Variants in CCDC40 observed in about 807,000 individuals in gnomAD.
CCDC40 encodes coiled-coil domain-containing protein 40.
CCDC40 carries 104 observed loss-of-function variants against 124.5 expected under a neutral mutation model. The ratio of observed to expected loss-of-function variants is 0.84; its 90% CI spans 0.71 to 0.98. The LOEUF (loss-of-function observed/expected upper bound fraction) is 0.98, where lower values mean the gene tolerates loss of function less well. Ranked by LOEUF, CCDC40 falls within the 50% of genes least tolerant of loss-of-function variation. The pLI, the probability that CCDC40 is intolerant of heterozygous loss-of-function variation, is 0.00. For synonymous variants in CCDC40, 580 were observed against 602.9 expected (o/e 0.96, Z 0.56); for missense variants, 1,463 against 1,503.9 (o/e 0.97, Z 0.45).
intron 17 of CCDC40, among the ~76,000 whole-genome samples, chr17:80,093,954 T>A (rs1423625637): frequency 6.6e-6 from 1 of 152,196 alleles, no homozygotes; most frequent in Non-Finnish European, 1.5e-5. Flanking sequence ...CCACACAGAC[T>A]TTTTAGTGTT....
Position 80,047,279 on chromosome 17 carries a change from A to C in CCDC40, c.553A>C (p.Thr185Pro). The C allele has an allele frequency of 1.2e-6, 2 of 1,614,050 alleles. No individual in the cohort carries two copies. Among genetic ancestry groups the C allele is most frequent in the Non-Finnish European group, 8.5e-7 (1 of 1,179,960 alleles). ...VTSGPAVGRL[T>P]GSTEEPQGQV... is the part of the protein sequence containing the mutation. Reference sequence around the variant, plus strand: ...TTAGTTTTGGTTGTTCTTGCCATAGACAGGATCCACAGAGGAGCCCCAGGG... The same window carrying C: ...TTAGTTTTGGTTGTTCTTGCCATAGCCAGGATCCACAGAGGAGCCCCAGGG... The change falls in exon 4 of 20, where the codon ACA (threonine) becomes CCA (proline). Residue 185 changes from threonine (T) to proline (P), a missense_variant and splice_region_variant. Physicochemically the swap from Thr to Pro is conservative, Grantham distance 38 (BLOSUM62 -1). Transcript: ENST00000397545.
At chr17:80,070,137 G>T (rs373206085) in intron 10 of CCDC40, among the ~76,000 whole-genome samples, 111 of 152,360 alleles carry the variant, frequency 7.3e-4, no homozygotes, top group African/African-American at 2.3e-3. Flanking sequence ...TGTGGGATGG[G>T]TTGGGTGTGG....
chr17:80,097,014 C>G (rs887897923), intron 18 of CCDC40, among the ~76,000 whole-genome samples: 16 of 152,252 alleles, frequency 1.1e-4, no homozygotes, highest in African/African-American at 3.9e-4. Context: ...CCCAGAACCA[C>G]TCAGGCCCCC....
intron 7 of CCDC40, among the ~76,000 whole-genome samples, chr17:80,052,979 TA>T (rs1427794009): frequency 2.0e-5 from 3 of 152,144 alleles, no homozygotes; most frequent in Admixed American, 1.3e-4. Flanking sequence ...ATTTCTTAAC[TA>T]AAAAGCCAGT....
At chr17:80,097,218 C>T in intron 18 of CCDC40, 27 bp from the exon 19 acceptor site, 1 of 1,613,446 alleles carries the variant, frequency 6.2e-7, no homozygotes, top group Non-Finnish European at 8.5e-7. Flanking sequence ...GCTGCAGGGG[C>T]CCAGCATGGT....
chr17:80,078,070 G>A (rs1598527813), intron 10 of CCDC40, among the ~76,000 whole-genome samples: 2 of 152,122 alleles, frequency 1.3e-5, no homozygotes, highest in Admixed American at 6.6e-5. Flanking sequence ...TGTGGCTCAT[G>A]CCTCTAATCC....
At chr17:80,051,628 C>CAAAAAA (rs200887220) in intron 7 of CCDC40, among the ~76,000 whole-genome samples, 27 of 94,134 alleles carry the variant, frequency 2.9e-4, no homozygotes, top group African/African-American at 1.1e-3. Flanking sequence ...GACTCCGTCT[C>CAAAAAA]AAAAAAAAAA....
rs1039750485 is a variant in CCDC40 at position 80,070,554 on chromosome 17, T to C, written c.1562+4948T>C. Among the ~76,000 whole-genome samples the C allele has an allele frequency of 4.6e-5, 7 of 152,168 alleles. 1 individual carries two copies. Among genetic ancestry groups the C allele is most frequent in the Admixed American group, 2.0e-4 (3 of 15,286 alleles). On this transcript the variant is annotated intron_variant, in intron 10 of 19. Coordinates refer to ENST00000397545, the MANE Select transcript of CCDC40 (RefSeq NM_017950.4). ...AATTTGAGGCTGCAGTGAACTGTGA[T>C]TGCACGAATGCACTCCAGCCTGGGC...
rs377156300 is a variant in CCDC40, at chr17:80,050,192, G to A, written c.1068G>A (p.Ser356=). The A allele has an allele frequency of 1.7e-4, 277 of 1,612,084 alleles. 1 individual carries two copies. Among genetic ancestry groups the A allele is most frequent in the Non-Finnish European group, 2.3e-4 (269 of 1,179,680 alleles). ...GTCACGACCGCCACGCAATGGCCTCGAGCGAGCGCAGGCAGAAGGAGGAGG... is the reference window on the plus strand; with the variant it reads ...GTCACGACCGCCACGCAATGGCCTCAAGCGAGCGCAGGCAGAAGGAGGAGG... ...EKSHDRHAMA[S]SERRQKEEEL... Residue 356 remains serine, a synonymous_variant, in exon 7 of 20, where the codon TCG becomes TCA. Coordinates refer to ENST00000397545, the MANE Select transcript of CCDC40 (RefSeq NM_017950.4).
rs760043663 is a variant in CCDC40, at chr17:80,047,321, G to C, written c.595G>C (p.Gly199Arg). 3.7e-6 allele frequency: 6 copies of C among 1,613,858 alleles called. No homozygotes were observed. The South Asian group carries it at 6.6e-5, about 18-fold the overall frequency. ...EEPQGQVLPMGVQHRFRLSHG... is the reference protein window; with the variant it reads ...EEPQGQVLPMRVQHRFRLSHG... ...GCCCCAGGGGCAGGTGCTCCCAATG[G>C]GCGTCCAGCACCGCTTCCGGCTGAG... The change falls in exon 4 of 20, where the codon GGC becomes CGC. Residue 199 changes from glycine (G) to arginine (R), a missense_variant. Coordinates refer to ENST00000397545, the MANE Select transcript of CCDC40 (RefSeq NM_017950.4).
chr17:80,060,115 C>T (rs2037859970), intron 9 of CCDC40, among the ~76,000 whole-genome samples: 1 of 152,166 alleles, frequency 6.6e-6, no homozygotes, highest in South Asian at 2.1e-4. Flanking sequence ...TCAAACGGGG[C>T]AAGCAGCCAT....
intron 3 of CCDC40, 144 bp from the exon 4 acceptor site, chr17:80,047,135 C>T (rs1317469390): frequency 1.4e-5 from 12 of 879,676 alleles, no homozygotes; most frequent in East Asian, 2.7e-5. Context: ...GCATGAGCCA[C>T]GTGCCCGGCC....
chr17:80,057,275 A>G (rs1045423982), intron 7 of CCDC40, among the ~76,000 whole-genome samples: 4 of 151,644 alleles, frequency 2.6e-5, no homozygotes, highest in African/African-American at 9.7e-5. Context: ...TTGAGTAGAG[A>G]CAGGGTTTCA....
At chr17:80,078,327 T>C in intron 10 of CCDC40, among the ~76,000 whole-genome samples, 2 of 127,134 alleles carry the variant, frequency 1.6e-5, no homozygotes, top group African/African-American at 6.2e-5. Context: ...CGAGACTCTG[T>C]CTCAAAAAAA....
At chr17:80,048,186 G>A (rs868327754) in intron 4 of CCDC40, among the ~76,000 whole-genome samples, 2 of 152,264 alleles carry the variant, frequency 1.3e-5, no homozygotes, top group South Asian at 2.1e-4. Flanking sequence ...CTTGAACCCC[G>A]GAGGTGGAGG....
rs2037178479 is a variant in CCDC40 at position 80,038,174 on chromosome 17, T to G, written c.81T>G (p.Asn27Lys). ...SASEGEKEGN[N>K]ESHMVSPPEK... ...CTGAGGGAGAGAAGGAAGGGAATAA[T>G]GAAAGCCACATGGTAAAATTCCCTA... Residue 27 changes from asparagine to lysine, a missense_variant, in exon 2 of 20, where the codon AAT (asparagine) becomes AAG (lysine). Physicochemically the swap from Asn to Lys is moderately conservative, Grantham distance 94. Transcript: ENST00000397545. 2 of 1,606,276 alleles carry G rather than the reference T, an allele frequency of 1.2e-6. No homozygotes were observed. The highest frequency in any genetic ancestry group is 1.7e-6 in the Non-Finnish European group (2 of 1,173,380).
At chr17:80,090,255 G>T in intron 17 of CCDC40, 1 of 822,954 alleles carries the variant, frequency 1.2e-6, no homozygotes, top group Non-Finnish European at 1.7e-6. Context: ...GAACAACACG[G>T]GACGCGCGCG....
chr17:80,050,998 G>C (rs2037572413), intron 7 of CCDC40, among the ~76,000 whole-genome samples: 1 of 152,226 alleles, frequency 6.6e-6, no homozygotes, highest in Non-Finnish European at 1.5e-5. Context: ...AGGTCAGTGG[G>C]TAGCTTTGAA....
In CCDC40 at chr17:80,042,581, A is replaced by C. The variant is rs970227540; in HGVS notation, c.552+2311A>C. Among the ~76,000 whole-genome samples, 3 of 152,322 alleles carry C rather than the reference A, an allele frequency of 2.0e-5. No individual in the cohort carries two copies. In the East Asian group the frequency reaches 5.8e-4, roughly 29 times the overall value. On this transcript the variant is annotated intron_variant, in intron 3 of 19. Transcript: ENST00000397545. The stretch of plus-strand genomic sequence containing the variant: ...GTTTGTAGAATCGGTAGGCTTTTTC[A>C]CAAAGATAATCATCTCATCTGAGAA...
Sources: allele counts gnomAD v4.1 joint callset (sites outside exome capture counted in the v4.1 genomes callset), GRCh38; gene constraint gnomAD v4.1.1; transcripts MANE v1.5; gene names NCBI Gene and HGNC (gene_info 2026-07-23, HGNC 2026-07-21).